The following BORCS5 variants were observed in gnomAD, a reference collection of about 807,000 sequenced individuals.
BORCS5 encodes BLOC-1-related complex subunit 5.
A neutral mutation model predicts 22.1 loss-of-function variants in BORCS5; 17 were observed. That is an observed-to-expected ratio of 0.77 (90% CI 0.53 to 1.15). The LOEUF (loss-of-function observed/expected upper bound fraction) is 1.15, where lower values mean the gene tolerates loss of function less well. BORCS5 is among the 50% of genes most tolerant of loss of function. The probability of loss-of-function intolerance (pLI) is 0.00; values close to 1 mark genes in which losing one functional copy is unlikely to be tolerated. For missense variants in BORCS5, 247 were observed against 253.2 expected, an observed-to-expected ratio of 0.98 and a Z score of 0.17; for synonymous variants, 117 against 99.8, an observed-to-expected ratio of 1.17 and a Z score of -1.03.
intron 2 of BORCS5, among the ~76,000 whole-genome samples, chr12:12,425,708 C>G (rs1942269305): frequency 1.3e-5 from 2 of 152,158 alleles, no homozygotes; most frequent in Non-Finnish European, 2.9e-5. Flanking sequence ...TTAAATTTAG[C>G]TCCTTTTCAT....
chr12:12,424,212 A>C (rs1942221400), intron 2 of BORCS5, among the ~76,000 whole-genome samples: 1 of 152,102 alleles, frequency 6.6e-6, no homozygotes, highest in African/African-American at 2.4e-5. Context: ...TCAATCCCTT[A>C]GATCAGTTCA....
intron 2 of BORCS5, among the ~76,000 whole-genome samples, chr12:12,365,152 A>C (rs1016666818): frequency 6.6e-6 from 1 of 152,080 alleles, no homozygotes. Flanking sequence ...CATTGAGAAT[A>C]GGTGAGGAAG....
intron 2 of BORCS5, among the ~76,000 whole-genome samples, chr12:12,387,442 G>A (rs1161341018): frequency 6.6e-6 from 1 of 151,412 alleles, no homozygotes; most frequent in Non-Finnish European, 1.5e-5. Context: ...CATTACTTAA[G>A]GATTTGTTTT....
intron 3 of BORCS5, among the ~76,000 whole-genome samples, chr12:12,451,331 C>A (rs1411435710): frequency 6.6e-6 from 1 of 152,150 alleles, no homozygotes; most frequent in African/African-American, 2.4e-5. Context: ...ATAATGTTTT[C>A]ATGCGATACA....
intron 2 of BORCS5, among the ~76,000 whole-genome samples, chr12:12,416,602 C>G (rs1941963280): frequency 6.6e-6 from 1 of 151,812 alleles, no homozygotes; most frequent in Admixed American, 6.6e-5. Context: ...ACCATTATGC[C>G]TGGCTAATTT....
At chr12:12,384,171 C>A (rs1054302601) in intron 2 of BORCS5, among the ~76,000 whole-genome samples, 2 of 150,978 alleles carry the variant, frequency 1.3e-5, no homozygotes, top group African/African-American at 4.9e-5. Context: ...TTTGTAGAGA[C>A]AAAGTCTCAT....
intron 3 of BORCS5, among the ~76,000 whole-genome samples, chr12:12,440,079 G>T (rs1942650837): frequency 6.6e-6 from 1 of 152,186 alleles, no homozygotes; most frequent in South Asian, 2.1e-4. Context: ...ATATAACCGG[G>T]ATCAACTAGA....
At chr12:12,439,856 C>T (rs1319937933) in intron 3 of BORCS5, among the ~76,000 whole-genome samples, 1 of 152,102 alleles carries the variant, frequency 6.6e-6, no homozygotes, top group East Asian at 1.9e-4. Flanking sequence ...GAATCATATC[C>T]GTCCGTCTAT....
At chr12:12,401,365 A>G (rs1387263429) in intron 2 of BORCS5, among the ~76,000 whole-genome samples, 1 of 152,230 alleles carries the variant, frequency 6.6e-6, no homozygotes, top group Non-Finnish European at 1.5e-5. Context: ...TAAAGACAAC[A>G]TCGTGCTTAG....
Position 12,469,835 on chromosome 12 carries a change from AGGT to A in BORCS5, c.*4060_*4062del, listed in dbSNP as rs1294198284. 7 of 152,216 alleles carry A rather than the reference AGGT, an allele frequency of 4.6e-5. No homozygotes were observed. The highest frequency in any genetic ancestry group is 1.0e-4 in the Non-Finnish European group (7 of 68,038). 9.4% of individuals were successfully genotyped at this position (152,216 alleles called of 1,614,324 possible). A position where few individuals can be genotyped will look rare whatever the true frequency, so the allele number is the denominator to read the frequency against. On this transcript the variant is annotated 3_prime_UTR_variant, in exon 4 of 4. Transcript: ENST00000314565. Reference sequence around the variant, plus strand: ...AAACTTTTCTTCTTGTGGACTTTTTAGGTATGAAATTTAATCACGAGAGTAGTT... The same window carrying A: ...AAACTTTTCTTCTTGTGGACTTTTTAATGAAATTTAATCACGAGAGTAGTT...
At chr12:12,366,752 G>T (rs544656823) in intron 2 of BORCS5, among the ~76,000 whole-genome samples, 12 of 152,260 alleles carry the variant, frequency 7.9e-5, no homozygotes, top group Non-Finnish European at 1.5e-4. Context: ...ATATTTGCAA[G>T]AGAAAAGTAA....
chr12:12,464,981 T>C (rs879784816), intron 3 of BORCS5, among the ~76,000 whole-genome samples: 3 of 152,100 alleles, frequency 2.0e-5, no homozygotes, highest in African/African-American at 4.8e-5. Context: ...ATTTTTGTTA[T>C]TGTTGTTAGA....
chr12:12,414,170 A>C (rs1263948894), intron 2 of BORCS5, among the ~76,000 whole-genome samples: 1 of 66,010 alleles, frequency 1.5e-5, no homozygotes, highest in African/African-American at 6.1e-5. Flanking sequence ...TGACCCCCCC[A>C]CCTCCCTCCC....
intron 2 of BORCS5, among the ~76,000 whole-genome samples, chr12:12,408,971 A>G (rs1374608545): frequency 2.0e-5 from 3 of 152,108 alleles, no homozygotes; most frequent in Non-Finnish European, 4.4e-5. Context: ...GAATTGCTGG[A>G]TCATATAGTA....
intron 2 of BORCS5, among the ~76,000 whole-genome samples, chr12:12,364,222 A>G (rs1296003899): frequency 6.6e-6 from 1 of 151,932 alleles, no homozygotes; most frequent in Non-Finnish European, 1.5e-5. Flanking sequence ...CTAAAAATAC[A>G]AAAATTAGTT....
intron 3 of BORCS5, among the ~76,000 whole-genome samples, chr12:12,438,377 A>ACAAAAAACAAC (rs1942607660): frequency 7.4e-6 from 1 of 135,920 alleles, no homozygotes; most frequent in Admixed American, 6.9e-5. Flanking sequence ...AAAAAAAAAA[A>ACAAAAAACAAC]AAACGAAAAA....
intron 2 of BORCS5, among the ~76,000 whole-genome samples, chr12:12,414,471 TG>T (rs1941859315): frequency 1.9e-5 from 1 of 51,386 alleles, no homozygotes; most frequent in Non-Finnish European, 4.0e-5. Context: ...GGCGGCTGGC[TG>T]GGCAGAGGGG....
At chr12:12,430,146 A>G (rs1164022272) in intron 2 of BORCS5, among the ~76,000 whole-genome samples, 1 of 87,598 alleles carries the variant, frequency 1.1e-5, no homozygotes. Context: ...ATCACCTTAG[A>G]GAAAATTTTT....
At chr12:12,378,301 G>A (rs1863699640) in intron 2 of BORCS5, among the ~76,000 whole-genome samples, 2 of 152,206 alleles carry the variant, frequency 1.3e-5, no homozygotes, top group African/African-American at 2.4e-5. Flanking sequence ...GAACCTGGGA[G>A]GCAGAGGTTG....
Sources: gnomAD v4.1 joint callset for allele counts (sites outside exome capture counted in the v4.1 genomes callset) on GRCh38, gnomAD v4.1.1 for gene constraint, MANE v1.5 for transcripts, NCBI Gene and HGNC (gene_info 2026-07-23, HGNC 2026-07-21) for gene names.